TARBP1: variants seen among roughly 807,000 people sequenced by gnomAD.
TARBP1 encodes the protein tRNA (guanosine(18)-2'-O)-methyltransferase TARBP1.
A neutral mutation model predicts 178.6 loss-of-function variants in TARBP1; 144 were observed. The ratio of observed to expected loss-of-function variants is 0.81; its 90% CI spans 0.70 to 0.93. TARBP1 has a LOEUF of 0.93. TARBP1 is among the 40% of genes least tolerant of loss of function. TARBP1 has a pLI of 0.00. For missense variants in TARBP1, 2,067 were observed against 2,011.7 expected (o/e 1.03, Z -0.53); for synonymous variants, 787 against 781.0 (o/e 1.01, Z -0.13).
chr1:234,437,616 A>G (rs2103163413), intron 12 of TARBP1, among the ~76,000 whole-genome samples: 1 of 152,360 alleles, frequency 6.6e-6, no homozygotes, highest in African/African-American at 2.4e-5. Context: ...GAACAGAGCT[A>G]TAAAACCTAG....
rs559685099 is a variant in TARBP1 at position 234,457,690 on chromosome 1, G to A, written c.1699C>T (p.Arg567Ter). Residue 567 changes from arginine (R) to a stop codon, truncating the protein, a stop_gained, in exon 9 of 30, where the codon CGA becomes TGA. Coordinates refer to ENST00000040877, the MANE Select transcript of TARBP1 (RefSeq NM_005646.4). LOFTEE classifies it high-confidence loss of function. ...ACCTCTGTCCACAATGAAGTTCCTCGTCCTAAGGATTCCTCTTGTCTCAGA... is the reference window on the plus strand; with the variant it reads ...ACCTCTGTCCACAATGAAGTTCCTCATCCTAAGGATTCCTCTTGTCTCAGA... ...MSLRQEESLG[R>*]GTSLWTELCD... 23 of 1,608,330 alleles carry A rather than the reference G, an allele frequency of 1.4e-5. No individual in the cohort carries two copies. Among genetic ancestry groups the A allele is most frequent in the South Asian group, 3.3e-5 (3 of 90,732 alleles).
intron 17 of TARBP1, 92 bp from the exon 18 acceptor site, chr1:234,427,858 T>C (rs775879934): frequency 6.3e-5 from 55 of 879,768 alleles, no homozygotes; most frequent in Non-Finnish European, 8.4e-5. Context: ...AACATAATCA[T>C]GAACAGTCTA....
intron 24 of TARBP1, among the ~76,000 whole-genome samples, chr1:234,403,088 A>C (rs1234835300): frequency 6.6e-6 from 1 of 152,046 alleles, no homozygotes; most frequent in Non-Finnish European, 1.5e-5. Context: ...TGCTCTTCAC[A>C]CTTTAATGCA....
intron 9 of TARBP1, among the ~76,000 whole-genome samples, chr1:234,456,508 TTGAAACAAA>T (rs1667302818): frequency 6.6e-6 from 1 of 152,196 alleles, no homozygotes; most frequent in Non-Finnish European, 1.5e-5. Context: ...AGCAAAAACT[TTGAAACAAA>T]GTCCAAGAAA....
chr1:234,407,899 C>G (rs1036814969), intron 23 of TARBP1: 1 of 152,134 alleles, frequency 6.6e-6, no homozygotes, highest in Non-Finnish European at 1.5e-5. Context: ...CTCCAGCGAT[C>G]CCTGGTTCGT....
chr1:234,469,060 CTTTT>C (rs765324709), intron 3 of TARBP1, among the ~76,000 whole-genome samples: 11 of 68,576 alleles, frequency 1.6e-4, no homozygotes, highest in African/African-American at 5.3e-4. Context: ...CGGTTTTTGC[CTTTT>C]TTTTTTTTTT....
chr1:234,441,217 T>C (rs139696724), intron 12 of TARBP1, among the ~76,000 whole-genome samples: 10 of 152,278 alleles, frequency 6.6e-5, no homozygotes, highest in African/African-American at 2.4e-4. Flanking sequence ...ACCATATTCA[T>C]GCATTAAAAG....
chr1:234,478,672 T>C lies in TARBP1; in HGVS notation c.432A>G (p.Leu144=). The C allele has an allele frequency of 8.0e-7, 1 of 1,248,038 alleles. No homozygotes were observed. The highest frequency in any genetic ancestry group is 1.0e-6 in the Non-Finnish European group (1 of 995,260). The allele number at this position is 1,248,038 out of a possible 1,614,324, so 77.3% of individuals were successfully genotyped here. The change falls in exon 1 of 30, where the codon CTA becomes CTG. Residue 144 remains leucine (L), a synonymous_variant. Coordinates refer to ENST00000040877, the MANE Select transcript of TARBP1 (RefSeq NM_005646.4). ...GCCGCAAACATGGCCCGACGGCTGC[T>C]AGCACTTCCACGGCAGCCTCGGCGC... ...APGAEAAVEV[L]AAVGPCLRPR...
chr1:234,446,898 T>A lies in TARBP1; in HGVS notation c.2039A>T (p.Asn680Ile). The change falls in exon 12 of 30, where the codon AAT becomes ATT. Residue 680 changes from asparagine to isoleucine, a missense_variant. By Grantham distance (149) the Asn-to-Ile change is moderately radical. Transcript: ENST00000040877. ...LLDVLMKFST[N>I]AYMPLLKTDR... Reference sequence around the variant, plus strand: ...AGTCTTCAGCAAGGGCATGTAGGCATTGGTACTAAACTTCATAAGCACATC... The same window carrying A: ...AGTCTTCAGCAAGGGCATGTAGGCAATGGTACTAAACTTCATAAGCACATC... 6.2e-7 allele frequency: 1 copy of A among 1,614,022 alleles called. No individual in the cohort carries two copies. Among genetic ancestry groups the A allele is most frequent in the South Asian group, 1.1e-5 (1 of 91,084 alleles).
chr1:234,460,166 T>C, intron 7 of TARBP1, 95 bp downstream of exon 7: 1 of 1,351,194 alleles, frequency 7.4e-7, no homozygotes, highest in South Asian at 1.8e-5. Flanking sequence ...ATTAACTATA[T>C]CCATTTACTG....
At chr1:234,405,832 G>A in intron 24 of TARBP1, 71 bp downstream of exon 24, 1 of 1,414,816 alleles carries the variant, frequency 7.1e-7, no homozygotes, top group African/African-American at 1.4e-5. Flanking sequence ...GACACAGTAT[G>A]GGCACTGCCC....
Position 234,446,942 on chromosome 1 carries a change from T to C in TARBP1, c.1995A>G (p.Ile665Met), listed in dbSNP as rs200433703. The C allele has an allele frequency of 5.6e-6, 9 of 1,613,824 alleles. No individual in the cohort carries two copies. Among genetic ancestry groups the C allele is most frequent in the African/African-American group, 1.3e-5 (1 of 75,018 alleles). The stretch of plus-strand genomic sequence containing the variant: ...GCACATCCAGAAGAGGGTCTAAGAA[T>C]ATCCGCAATACATTCTCTGTTCTCT... Reference protein sequence around the residue: ...GKQRTENVLRIFLDPLLDVLM... With the variant: ...GKQRTENVLRMFLDPLLDVLM... The change falls in exon 12 of 30, where the codon ATA becomes ATG. Residue 665 changes from isoleucine to methionine, a missense_variant. Physicochemically the swap from Ile to Met is conservative, Grantham distance 10. Coordinates refer to ENST00000040877, the MANE Select transcript of TARBP1 (RefSeq NM_005646.4).
Position 234,429,686 on chromosome 1 carries a change from A to G in TARBP1, c.2610-9T>C. On this transcript the variant is annotated splice_polypyrimidine_tract_variant and intron_variant, in intron 15 of 29. Transcript: ENST00000040877. ...ACGATTCTTCCAAAACACTGAAATA[A>G]AAAATAAAGTTACTAGGCCATACTT... The G allele has an allele frequency of 6.3e-7, 1 of 1,586,276 alleles. No homozygotes were observed.
At chr1:234,433,308 T>A in intron 14 of TARBP1, 102 bp downstream of exon 14, 1 of 1,237,328 alleles carries the variant, frequency 8.1e-7, no homozygotes, top group South Asian at 1.3e-5. Context: ...TGAATTTTAG[T>A]TAACGCTTTG....
intron 3 of TARBP1, 41 bp downstream of exon 3, chr1:234,471,147 C>G: frequency 6.9e-7 from 1 of 1,442,392 alleles, no homozygotes. Flanking sequence ...CAGGGGAAAA[C>G]CATAAATGTT....
chr1:234,464,719 G>T (rs1046610945), intron 5 of TARBP1, among the ~76,000 whole-genome samples: 1 of 152,158 alleles, frequency 6.6e-6, no homozygotes. Flanking sequence ...ATTGGCTGGT[G>T]GGGGGAGGTA....
chr1:234,450,167 ACTT>A (rs34843759), intron 10 of TARBP1, among the ~76,000 whole-genome samples: 44,602 of 151,664 alleles, frequency 0.29, 6,676 homozygotes, highest in Admixed American at 0.4. Context: ...CTTTGCATCC[ACTT>A]CTTAACTCTG....
intron 22 of TARBP1, among the ~76,000 whole-genome samples, chr1:234,415,337 A>G (rs948853966): frequency 6.6e-6 from 1 of 152,210 alleles, no homozygotes; most frequent in Non-Finnish European, 1.5e-5. Context: ...GGATACTGAC[A>G]TAGGCAGATT....
intron 4 of TARBP1, 103 bp downstream of exon 4, chr1:234,467,399 G>T: frequency 8.7e-7 from 1 of 1,146,932 alleles, no homozygotes; most frequent in Non-Finnish European, 1.2e-6. Context: ...TGATTTGTTG[G>T]ATGCAAATCT....
Sources: allele counts gnomAD v4.1 joint callset (sites outside exome capture counted in the v4.1 genomes callset), GRCh38; gene constraint gnomAD v4.1.1; transcripts MANE v1.5; gene names NCBI Gene and HGNC (gene_info 2026-07-23, HGNC 2026-07-21).